The following PTPRD variants were observed in gnomAD, a reference collection of about 807,000 sequenced individuals.
PTPRD encodes the protein receptor-type tyrosine-protein phosphatase delta.
A neutral mutation model predicts 214.5 loss-of-function variants in PTPRD; 34 were observed. The observed-to-expected ratio is 0.16, with a 90% CI of 0.12 to 0.21. The LOEUF (loss-of-function observed/expected upper bound fraction) is 0.21, where lower values mean the gene tolerates loss of function less well. PTPRD is among the 10% of genes least tolerant of loss of function. The pLI is 1.00. For missense variants in PTPRD, 2,545 were observed against 2,398.7 expected, an observed-to-expected ratio of 1.06 and a Z score of -1.27; for synonymous variants, 1,128 against 845.7, an observed-to-expected ratio of 1.33 and a Z score of -5.79.
chr9:9,106,828 G>C (rs961984242), intron 10 of PTPRD, among the ~76,000 whole-genome samples: 1 of 152,044 alleles, frequency 6.6e-6, no homozygotes, highest in Non-Finnish European at 1.5e-5. Flanking sequence ...GATTGGAATT[G>C]TTTTGTTCTA....
Position 9,281,864 on chromosome 9 carries a change from G to C in PTPRD, c.-202-98501C>G, listed in dbSNP as rs141477080. ...CTTGAAAGCAATCAAGATACCCTACGGTAGATGAATGGATAAACTGTAGTA... is the reference window on the plus strand; with the variant it reads ...CTTGAAAGCAATCAAGATACCCTACCGTAGATGAATGGATAAACTGTAGTA... On this transcript the variant is annotated intron_variant, in intron 9 of 45. Coordinates refer to ENST00000381196, the MANE Select transcript of PTPRD (RefSeq NM_002839.4). Among the ~76,000 whole-genome samples the C allele has an allele frequency of 4.4e-3, 661 of 150,936 alleles. 3 individuals carry two copies. The highest frequency in any genetic ancestry group is 0.015 in the African/African-American group (630 of 41,318).
At chr9:9,923,750 G>T (rs1376549973) in intron 5 of PTPRD, among the ~76,000 whole-genome samples, 1 of 151,856 alleles carries the variant, frequency 6.6e-6, no homozygotes, top group Admixed American at 6.6e-5. Context: ...TTGAAGAGAA[G>T]TACACATCTA....
chr9:9,823,545 G>T (rs1490772095), intron 5 of PTPRD, among the ~76,000 whole-genome samples: 1 of 151,932 alleles, frequency 6.6e-6, no homozygotes, highest in African/African-American at 2.4e-5. Flanking sequence ...ATATTATTCA[G>T]CCATAAAAAA....
At position 8,525,249 on chromosome 9, in the gene PTPRD, T is replaced by TA. The variant is rs2073791351; in HGVS notation, c.569-215dup. 15 of 679,462 alleles carry TA rather than the reference T, an allele frequency of 2.2e-5. No homozygotes were observed. The East Asian group carries it at 3.9e-4, about 18-fold the overall frequency. The allele number at this position is 679,462 out of a possible 1,614,324, so 42.1% of individuals were successfully genotyped here. The stretch of plus-strand genomic sequence containing the variant: ...TTTTTTACATCATCAATGCTAGCAT[T>TA]AGAAATCAATATCTCTTTTCCCAAG... On this transcript the variant is annotated intron_variant, in intron 17 of 45. Coordinates refer to ENST00000381196, the MANE Select transcript of PTPRD (RefSeq NM_002839.4).
chr9:9,888,631 G>A (rs1185130043), intron 5 of PTPRD, among the ~76,000 whole-genome samples: 1 of 152,060 alleles, frequency 6.6e-6, no homozygotes, highest in Non-Finnish European at 1.5e-5. Flanking sequence ...ACAATGTGAT[G>A]CCTGCTCTCC....
At chr9:8,859,204 TTGC>T (rs1382782945) in intron 11 of PTPRD, among the ~76,000 whole-genome samples, 1 of 152,192 alleles carries the variant, frequency 6.6e-6, no homozygotes, top group African/African-American at 2.4e-5. Context: ...TTCATGCCAC[TTGC>T]TTTTATGTTG....
At chr9:9,832,546 A>G (rs1392499065) in intron 5 of PTPRD, among the ~76,000 whole-genome samples, 2 of 152,140 alleles carry the variant, frequency 1.3e-5, no homozygotes, top group South Asian at 2.1e-4. Flanking sequence ...AAAAATGTGG[A>G]TATCTAAGTG....
intron 10 of PTPRD, among the ~76,000 whole-genome samples, chr9:9,173,689 G>T (rs2099922872): frequency 6.6e-6 from 1 of 152,060 alleles, no homozygotes; most frequent in South Asian, 2.1e-4. Context: ...GTAAAAATAT[G>T]CTAGTATGCT....
At chr9:10,257,405 C>T (rs530230804) in intron 3 of PTPRD, among the ~76,000 whole-genome samples, 1 of 152,230 alleles carries the variant, frequency 6.6e-6, no homozygotes, top group South Asian at 2.1e-4. Context: ...CAGGGGCATC[C>T]TTCTGAGCAA....
intron 14 of PTPRD, among the ~76,000 whole-genome samples, chr9:8,577,329 C>G (rs2092541485): frequency 6.6e-6 from 1 of 152,140 alleles, no homozygotes. Flanking sequence ...GATCTTGGCT[C>G]ACTGCAACCT....
At chr9:9,340,034 C>A (rs1164669475) in intron 9 of PTPRD, among the ~76,000 whole-genome samples, 1 of 152,084 alleles carries the variant, frequency 6.6e-6, no homozygotes, top group African/African-American at 2.4e-5. Flanking sequence ...TGTGAGAAGA[C>A]ATTAGCAATA....
intron 7 of PTPRD, among the ~76,000 whole-genome samples, chr9:9,668,930 T>A (rs2096774454): frequency 6.6e-6 from 1 of 152,146 alleles, no homozygotes; most frequent in Non-Finnish European, 1.5e-5. Context: ...AAATTTTGAT[T>A]CATATGTTTC....
intron 2 of PTPRD, among the ~76,000 whole-genome samples, chr9:10,520,043 AG>A (rs2051637099): frequency 6.6e-6 from 1 of 152,168 alleles, no homozygotes. Context: ...TAAGTATTCA[AG>A]TAAAAGGAAG....
At chr9:10,145,333 C>A in intron 3 of PTPRD, among the ~76,000 whole-genome samples, 1 of 152,184 alleles carries the variant, frequency 6.6e-6, no homozygotes, top group South Asian at 2.1e-4. Flanking sequence ...TCTTCTTCTG[C>A]CTCCGCCACC....
chr9:8,333,345 T>G (rs1843322324), intron 43 of PTPRD, among the ~76,000 whole-genome samples: 1 of 152,182 alleles, frequency 6.6e-6, no homozygotes. Flanking sequence ...GAAGAGGTCA[T>G]GTGTGCAAAT....
chr9:9,020,225 T>C (rs571931828), intron 10 of PTPRD, among the ~76,000 whole-genome samples: 1 of 152,160 alleles, frequency 6.6e-6, no homozygotes, highest in Non-Finnish European at 1.5e-5. Context: ...AATAAAGCTC[T>C]AAAAAAGTGG....
At chr9:8,547,937 T>C (rs2080745364) in intron 14 of PTPRD, among the ~76,000 whole-genome samples, 1 of 152,154 alleles carries the variant, frequency 6.6e-6, no homozygotes, top group South Asian at 2.1e-4. Flanking sequence ...TGTAAAACAT[T>C]GCTCAGCACC....
chr9:9,028,040 T>C (rs1024108555), intron 10 of PTPRD, among the ~76,000 whole-genome samples: 5 of 152,046 alleles, frequency 3.3e-5, no homozygotes, highest in African/African-American at 4.8e-5. Flanking sequence ...AGTAAACATA[T>C]ACCCCACCAT....
chr9:9,148,238 A>C (rs773264031), intron 10 of PTPRD, among the ~76,000 whole-genome samples: 12 of 152,160 alleles, frequency 7.9e-5, no homozygotes, highest in African/African-American at 1.4e-4. Context: ...GGCTTTATGA[A>C]ATTACTTCAA....
Sources: gnomAD v4.1 joint callset for allele counts (sites outside exome capture counted in the v4.1 genomes callset) on GRCh38, gnomAD v4.1.1 for gene constraint, MANE v1.5 for transcripts, NCBI Gene and HGNC (gene_info 2026-07-23, HGNC 2026-07-21) for gene names.